Variants in ZFYVE28 observed in about 807,000 individuals in gnomAD.
The protein encoded by ZFYVE28 is zinc finger FYVE-type containing 28.
A neutral mutation model predicts 82.1 loss-of-function variants in ZFYVE28; 40 were observed. The ratio of observed to expected loss-of-function variants is 0.49; its 90% CI spans 0.38 to 0.63. The LOEUF is 0.63. Among genes scored for constraint, ZFYVE28 ranks in the 30% least tolerant of loss-of-function variants. ZFYVE28 has a pLI of 0.00. For synonymous variants in ZFYVE28, 612 were observed against 546.1 expected, an observed-to-expected ratio of 1.12 and a Z score of -1.68; for missense variants, 1,321 against 1,242.1, an observed-to-expected ratio of 1.06 and a Z score of -0.96.
chr4:2,314,042 T>C (rs989720250), intron 7 of ZFYVE28, among the ~76,000 whole-genome samples: 23 of 152,232 alleles, frequency 1.5e-4, no homozygotes, highest in Non-Finnish European at 2.9e-5. Context: ...TTCCACCTTA[T>C]ATTTCTGTTA....
Position 2,412,070 on chromosome 4 carries a change from C to T in ZFYVE28, c.39+6215G>A, listed in dbSNP as rs74541919. Among the ~76,000 whole-genome samples the T allele has an allele frequency of 2.2e-3, 333 of 152,308 alleles. 14 individuals carry two copies. The East Asian group carries it at 0.055, about 25-fold the overall frequency. ...CCCTGGGGCGCAGGCAGGGGCAGGGCGCATCCTTCATCCTCAGGGGGACCT... is the reference window on the plus strand; with the variant it reads ...CCCTGGGGCGCAGGCAGGGGCAGGGTGCATCCTTCATCCTCAGGGGGACCT... On this transcript the variant is annotated intron_variant, in intron 1 of 12. Coordinates refer to ENST00000290974, the MANE Select transcript of ZFYVE28 (RefSeq NM_020972.3).
Position 2,339,752 on chromosome 4 carries a change from T to C in ZFYVE28, c.319-97A>G, listed in dbSNP as rs990409669. ...ACCTGACTGCGCACCTCGGGGCCCC[T>C]CTTCTCACCCCACAGCACAGGCCAG... is the stretch of plus-strand genomic sequence containing the variant. On this transcript the variant is annotated intron_variant, in intron 3 of 12. Coordinates refer to ENST00000290974, the MANE Select transcript of ZFYVE28 (RefSeq NM_020972.3). This position sits in a 1 kb window ranked among gnomAD's most constrained non-coding sequence, Gnocchi z 5.0. 120 of 1,110,328 alleles carry C rather than the reference T, an allele frequency of 1.1e-4. No individual in the cohort carries two copies. Among genetic ancestry groups the C allele is most frequent in the Non-Finnish European group, 1.5e-4 (117 of 790,192 alleles). 68.8% of individuals were successfully genotyped at this position (1,110,328 alleles called of 1,614,324 possible).
At position 2,339,377 on chromosome 4, in the gene ZFYVE28, C is replaced by G; in HGVS notation, c.521+76G>C. On this transcript the variant is annotated intron_variant, in intron 4 of 12. Transcript: ENST00000290974. This position sits in a 1 kb window ranked among gnomAD's most constrained non-coding sequence, Gnocchi z 5.0. ...TGTGGAATTTTCCAGCTTGAAGTAT[C>G]AGGGTGAGCCCCGGAAGCTGGCACA... 1 of 1,497,260 alleles carries G rather than the reference C, an allele frequency of 6.7e-7. No homozygotes were observed. The highest frequency in any genetic ancestry group is 9.1e-7 in the Non-Finnish European group (1 of 1,104,434). 92.7% of individuals were successfully genotyped at this position (1,497,260 alleles called of 1,614,324 possible).
At chr4:2,310,506 C>CA (rs1004903055) in intron 7 of ZFYVE28, among the ~76,000 whole-genome samples, 21 of 151,336 alleles carry the variant, frequency 1.4e-4, no homozygotes, top group South Asian at 2.1e-4. Context: ...TATTGAAAAA[C>CA]AAAAAAAAGA....
intron 1 of ZFYVE28, among the ~76,000 whole-genome samples, chr4:2,404,419 T>TTACAAA (rs1470147423): frequency 2.1e-5 from 1 of 47,196 alleles, no homozygotes; most frequent in South Asian, 1.1e-3. Context: ...CTCATGCCAG[T>TTACAAA]GTCATTCATG....
At chr4:2,411,482 T>A (rs1732517220) in intron 1 of ZFYVE28, among the ~76,000 whole-genome samples, 1 of 152,238 alleles carries the variant, frequency 6.6e-6, no homozygotes, top group Non-Finnish European at 1.5e-5. Flanking sequence ...ATCTAAGTTT[T>A]TTTTGCAATC....
At chr4:2,278,349 G>A (rs956595180) in intron 8 of ZFYVE28, among the ~76,000 whole-genome samples, 1 of 151,062 alleles carries the variant, frequency 6.6e-6, no homozygotes, top group Non-Finnish European at 1.5e-5. Context: ...CACACTGCCC[G>A]GCTAATTTTT....
chr4:2,375,058 G>A (rs1727973892), intron 1 of ZFYVE28, among the ~76,000 whole-genome samples: 1 of 152,164 alleles, frequency 6.6e-6, no homozygotes, highest in Non-Finnish European at 1.5e-5. Flanking sequence ...CAGATGATAT[G>A]AACAGCAGTT....
At chr4:2,319,681 G>A (rs879430218) in intron 7 of ZFYVE28, among the ~76,000 whole-genome samples, 6 of 152,188 alleles carry the variant, frequency 3.9e-5, no homozygotes. Flanking sequence ...CCCATATGAA[G>A]GAAAGGCGTC....
chr4:2,305,006 G>A lies in ZFYVE28; in HGVS notation c.1334C>T (p.Ala445Val), dbSNP rs61732926. The change falls in exon 8 of 13, where the codon GCG (alanine) becomes GTG (valine). Residue 445 changes from alanine to valine, a missense_variant. This residue lies in a region of ZFYVE28 where 978 missense variants were observed against 833.7 expected (regional missense o/e 1.17). Coordinates refer to ENST00000290974, the MANE Select transcript of ZFYVE28 (RefSeq NM_020972.3). ...EKGQGGPGGA[A>V]GISLPASEKE... ...TTCCGAGGCGGGCAAGCTGATCCCC[G>A]CCGCTCCGCCTGGCCCACCCTGCCC... The A allele has an allele frequency of 1.7e-3, 2,800 of 1,612,690 alleles. 35 individuals are homozygous for A. In the African/African-American group the frequency reaches 0.032, roughly 19 times the overall value.
intron 1 of ZFYVE28, among the ~76,000 whole-genome samples, chr4:2,356,246 G>C (rs1474690444): frequency 1.3e-5 from 2 of 152,150 alleles, no homozygotes; most frequent in African/African-American, 4.8e-5. Context: ...CCTGAGACCT[G>C]GGCAGCCAAT....
chr4:2,343,328 G>A (rs768507906), intron 2 of ZFYVE28: 7 of 152,046 alleles, frequency 4.6e-5, no homozygotes, highest in Non-Finnish European at 7.4e-5. Context: ...TTTTAATCTC[G>A]ACCATCCCTC....
intron 8 of ZFYVE28, among the ~76,000 whole-genome samples, chr4:2,279,393 T>TGCACTCTA (rs1295401261): frequency 4.6e-5 from 7 of 152,094 alleles, no homozygotes; most frequent in Non-Finnish European, 8.8e-5. Context: ...ATCGTGCCAT[T>TGCACTCTA]GCACTCTAGC....
Position 2,270,755 on chromosome 4 carries a change from C to T in ZFYVE28, c.2634G>A (p.Thr878=), listed in dbSNP as rs375901886. The T allele has an allele frequency of 1.1e-4, 182 of 1,613,244 alleles. 1 individual carries two copies. Among genetic ancestry groups the T allele is most frequent in the East Asian group, 8.0e-4 (36 of 44,880 alleles). ...GGCCGGCCTTGTCGCTGTAGAAGGGCGTGACATGGAACATGTAGCAGTGGG... is the reference window on the plus strand; with the variant it reads ...GGCCGGCCTTGTCGCTGTAGAAGGGTGTGACATGGAACATGTAGCAGTGGG... ...VCTHCYMFHV[T]PFYSDKAGL The change falls in exon 13 of 13, where the codon ACG becomes ACA. Residue 878 remains threonine (T), a synonymous_variant. Transcript: ENST00000290974.
chr4:2,321,204 G>C (rs1020833089), intron 6 of ZFYVE28, among the ~76,000 whole-genome samples: 5 of 152,078 alleles, frequency 3.3e-5, no homozygotes, highest in Non-Finnish European at 7.4e-5. Flanking sequence ...GGCCATGTGG[G>C]CCTGTCTGTG....
chr4:2,331,051 G>A (rs1031101222), intron 6 of ZFYVE28: 1 of 1,482,180 alleles, frequency 6.7e-7, no homozygotes, highest in Non-Finnish European at 9.0e-7. Context: ...GGAGGGGGCT[G>A]GGGAGGAAGG....
At chr4:2,307,692 C>G (rs1716796981) in intron 7 of ZFYVE28, among the ~76,000 whole-genome samples, 1 of 152,196 alleles carries the variant, frequency 6.6e-6, no homozygotes, top group Admixed American at 6.5e-5. Context: ...CAGGGTCTCA[C>G]TATGTTGCCC....
chr4:2,359,767 C>A (rs1725853065), intron 1 of ZFYVE28, among the ~76,000 whole-genome samples: 1 of 152,204 alleles, frequency 6.6e-6, no homozygotes, highest in Non-Finnish European at 1.5e-5. Context: ...CAACCCTTGG[C>A]CAGACCCCTC....
intron 1 of ZFYVE28, among the ~76,000 whole-genome samples, chr4:2,360,140 C>T (rs1474767351): frequency 1.3e-5 from 2 of 152,068 alleles, no homozygotes; most frequent in African/African-American, 2.4e-5. Context: ...AAAGGGGCAT[C>T]CTGAACAGCG....
Sources: gnomAD v4.1 joint callset for allele counts (sites outside exome capture counted in the v4.1 genomes callset) on GRCh38, gnomAD v4.1.1 for gene constraint, gnomAD v4.1.1 regional missense constraint, Gnocchi (gnomAD v3.1) non-coding constraint, MANE v1.5 for transcripts, NCBI Gene and HGNC (gene_info 2026-07-23, HGNC 2026-07-21) for gene names.